Variants in SIPA1L3 observed in about 807,000 individuals in gnomAD.
SIPA1L3 encodes signal-induced proliferation-associated 1-like protein 3.
Under a neutral mutation model 150.1 loss-of-function variants are expected in SIPA1L3, and 59 were observed. That is an observed-to-expected ratio of 0.39 (90% CI 0.32 to 0.49). The LOEUF (loss-of-function observed/expected upper bound fraction) is 0.49, where lower values mean the gene tolerates loss of function less well. Among genes scored for constraint, SIPA1L3 ranks in the 20% least tolerant of loss-of-function variants. SIPA1L3 has a pLI of 0.86. For synonymous variants in SIPA1L3, 1,070 were observed against 1,077.6 expected (o/e 0.99, Z 0.14); for missense variants, 2,211 against 2,489.5 (o/e 0.89, Z 2.38).
intron 1 of SIPA1L3, among the ~76,000 whole-genome samples, chr19:37,982,313 C>T (rs1303889717): frequency 2.0e-5 from 3 of 152,214 alleles, no homozygotes; most frequent in African/African-American, 7.2e-5. Context: ...TCCCAGAGGC[C>T]TTCCTGGTCA....
chr19:38,137,905 T>G (rs1971471130), intron 10 of SIPA1L3, among the ~76,000 whole-genome samples: 1 of 151,844 alleles, frequency 6.6e-6, no homozygotes, highest in Non-Finnish European at 1.5e-5. Context: ...CCGAGGTGGA[T>G]GCATCACTTG....
In SIPA1L3 at chr19:38,206,466, T is replaced by C; in HGVS notation, c.*226T>C. Reference sequence around the variant, plus strand: ...AGTGGTCTCAGGCCTCCCTCCAAGCTGCCCAGCTGTGGTCCCGGTGAGCTG... The same window carrying C: ...AGTGGTCTCAGGCCTCCCTCCAAGCCGCCCAGCTGTGGTCCCGGTGAGCTG... On this transcript the variant is annotated 3_prime_UTR_variant, in exon 22 of 22. Coordinates refer to ENST00000222345, the MANE Select transcript of SIPA1L3 (RefSeq NM_015073.3). 1 of 511,504 alleles carries C rather than the reference T, an allele frequency of 2.0e-6. No homozygotes were observed. The highest frequency in any genetic ancestry group is 3.4e-6 in the Non-Finnish European group (1 of 295,186). The allele number at this position is 511,504 out of a possible 1,614,324, so 31.7% of individuals were successfully genotyped here. A position where few individuals can be genotyped will look rare whatever the true frequency, so the allele number is the denominator to read the frequency against.
chr19:38,025,592 C>T (rs1398581843), intron 1 of SIPA1L3, among the ~76,000 whole-genome samples: 2 of 152,146 alleles, frequency 1.3e-5, no homozygotes, highest in Non-Finnish European at 2.9e-5. Flanking sequence ...TGCTGATCAG[C>T]CTTTATAGAG....
intron 1 of SIPA1L3, among the ~76,000 whole-genome samples, chr19:38,011,994 G>A (rs1968110786): frequency 6.6e-6 from 1 of 152,100 alleles, no homozygotes; most frequent in Non-Finnish European, 1.5e-5. Context: ...ATTCTCCCAT[G>A]TGTCTGCATC....
intron 1 of SIPA1L3, among the ~76,000 whole-genome samples, chr19:37,982,578 C>G (rs1361082404): frequency 1.3e-5 from 2 of 152,214 alleles, no homozygotes; most frequent in African/African-American, 4.8e-5. Flanking sequence ...TATGTCACTT[C>G]CCCAAGGTCA....
chr19:38,036,423 G>A (rs1231016240), intron 2 of SIPA1L3, among the ~76,000 whole-genome samples: 1 of 152,206 alleles, frequency 6.6e-6, no homozygotes, highest in Non-Finnish European at 1.5e-5. Flanking sequence ...CCTAAGGAGC[G>A]TGTGTCCCGA....
chr19:38,162,183 A>ATGCCGT, intron 13 of SIPA1L3, 70 bp from the exon 14 acceptor site: 4 of 1,213,508 alleles, frequency 3.3e-6, no homozygotes, highest in African/African-American at 3.0e-5. Flanking sequence ...AGTCTGGCAA[A>ATGCCGT]GGGTCCAGAT....
chr19:38,021,673 C>G (rs1377203449), intron 1 of SIPA1L3, among the ~76,000 whole-genome samples: 2 of 152,090 alleles, frequency 1.3e-5, no homozygotes, highest in African/African-American at 4.8e-5. Context: ...TCCCAAGTAG[C>G]TGGGGCTACA....
At chr19:38,138,897 C>CAAAAAAAAAAAAAAAAAAAA (rs3045988) in intron 10 of SIPA1L3, among the ~76,000 whole-genome samples, 3 of 44,122 alleles carry the variant, frequency 6.8e-5, no homozygotes, top group African/African-American at 2.2e-4. Context: ...GACTCTATCT[C>CAAAAAAAAAAAAAAAAAAAA]AAAAAAAAAA....
intron 15 of SIPA1L3, among the ~76,000 whole-genome samples, chr19:38,171,385 CTTTTTTT>C (rs1055077464): frequency 2.6e-5 from 2 of 77,884 alleles, no homozygotes; most frequent in Admixed American, 1.7e-4. Context: ...CCTACCAAAA[CTTTTTTT>C]TTTTTTTTTT....
At chr19:38,092,890 A>T (rs534661984) in intron 4 of SIPA1L3, among the ~76,000 whole-genome samples, 1 of 118,382 alleles carries the variant, frequency 8.4e-6, no homozygotes, top group African/African-American at 3.4e-5. Context: ...GACGGAGTCT[A>T]GCTTTGTTCC....
At chr19:38,183,027 G>T in intron 16 of SIPA1L3, 1 of 371,590 alleles carries the variant, frequency 2.7e-6, no homozygotes. Flanking sequence ...CAGGGAGAAG[G>T]CATAGCAGCT....
In SIPA1L3 at chr19:38,145,329, C is replaced by CGA. The variant is rs563976058; in HGVS notation, c.3533+2622_3533+2623dup. On this transcript the variant is annotated intron_variant, in intron 12 of 21. Transcript: ENST00000222345. The stretch of plus-strand genomic sequence containing the variant: ...GGTGGATCATCTGAGGTCAGGAGTT[C>CGA]GAGACCAGCCTGGCCAACATGATGA... Among the ~76,000 whole-genome samples, 392 of 151,918 alleles carry CGA rather than the reference C, an allele frequency of 2.6e-3. 1 individual carries two copies. The highest frequency in any genetic ancestry group is 9.2e-3 in the African/African-American group (380 of 41,414).
chr19:38,093,573 A>G (rs3745943), intron 4 of SIPA1L3, among the ~76,000 whole-genome samples: 46,492 of 151,978 alleles, frequency 0.31, 8,022 homozygotes, highest in East Asian at 0.61. Context: ...TCAGAGCCCC[A>G]TGCTGGGAAG....
chr19:38,208,078 C>G lies in SIPA1L3; in HGVS notation c.*1838C>G, dbSNP rs951475799. The stretch of plus-strand genomic sequence containing the variant: ...TGTCTCCTCCCATCTTCAGATCATT[C>G]GAATCATTTTGGGGACTTAATCATG... On this transcript the variant is annotated 3_prime_UTR_variant, in exon 22 of 22. Transcript: ENST00000222345. The G allele has an allele frequency of 7.8e-6, 1 of 128,434 alleles. No individual in the cohort carries two copies. The highest frequency in any genetic ancestry group is 2.9e-5 in the African/African-American group (1 of 34,134). The allele number at this position is 128,434 out of a possible 1,614,324, so 8.0% of individuals were successfully genotyped here.
intron 1 of SIPA1L3, among the ~76,000 whole-genome samples, chr19:37,969,397 C>T (rs1428561529): frequency 6.6e-6 from 1 of 151,970 alleles, no homozygotes; most frequent in Admixed American, 6.6e-5. Context: ...ACTAAAAATA[C>T]AGAAATTAGC....
intron 19 of SIPA1L3, 128 bp downstream of exon 19, chr19:38,198,660 T>C: frequency 3.2e-6 from 3 of 937,408 alleles, no homozygotes; most frequent in Non-Finnish European, 4.2e-6. Context: ...AGGGTTCAAG[T>C]CCTGCCCCGT....
intron 1 of SIPA1L3, among the ~76,000 whole-genome samples, chr19:37,961,043 A>T (rs1414869384): frequency 6.6e-6 from 1 of 151,226 alleles, no homozygotes; most frequent in Non-Finnish European, 1.5e-5. Context: ...TAATTTTTGT[A>T]TTTTTAGTAG....
intron 1 of SIPA1L3, among the ~76,000 whole-genome samples, chr19:38,012,434 A>G (rs1968126328): frequency 6.6e-6 from 1 of 152,030 alleles, no homozygotes; most frequent in Non-Finnish European, 1.5e-5. Context: ...ATCTAAGTAA[A>G]GGCTGGGGCC....
Sources: allele counts gnomAD v4.1 joint callset (sites outside exome capture counted in the v4.1 genomes callset), GRCh38; gene constraint gnomAD v4.1.1; transcripts MANE v1.5; gene names NCBI Gene and HGNC (gene_info 2026-07-23, HGNC 2026-07-21).